The following ADCY10 variants were observed in gnomAD, a reference collection of about 807,000 sequenced individuals.
ADCY10 encodes adenylate cyclase type 10.
ADCY10 carries 156 observed loss-of-function variants against 183.3 expected under a neutral mutation model. The observed-to-expected ratio is 0.85, with a 90% CI of 0.75 to 0.97. The LOEUF (loss-of-function observed/expected upper bound fraction) is 0.97, where lower values mean the gene tolerates loss of function less well. Ranked by LOEUF, ADCY10 falls within the 50% of genes least tolerant of loss-of-function variation. The pLI is 0.00. For missense variants in ADCY10, 1,745 were observed against 1,934.3 expected, an observed-to-expected ratio of 0.90 and a Z score of 1.84; for synonymous variants, 645 against 670.0, an observed-to-expected ratio of 0.96 and a Z score of 0.58.
chr1:167,911,865 C>T (rs749658368), intron 1 of ADCY10, among the ~76,000 whole-genome samples: 22 of 152,090 alleles, frequency 1.4e-4, no homozygotes, highest in Admixed American at 6.5e-5. Flanking sequence ...TGAACTTGGA[C>T]AGATTTTTCT....
intron 8 of ADCY10, among the ~76,000 whole-genome samples, chr1:167,891,226 C>T (rs1668566728): frequency 6.6e-6 from 1 of 151,982 alleles, no homozygotes. Flanking sequence ...TCCCAAAGTG[C>T]TGGGATTACA....
intron 21 of ADCY10, among the ~76,000 whole-genome samples, chr1:167,844,383 G>A (rs906075620): frequency 2.6e-5 from 4 of 152,156 alleles, no homozygotes; most frequent in South Asian, 2.1e-4. Context: ...CAACATGCTC[G>A]TCCCACTGTG....
Position 167,824,618 on chromosome 1 carries a change from C to A in ADCY10, c.3955+33G>T, listed in dbSNP as rs773956243. On this transcript the variant is annotated intron_variant, in intron 27 of 32. Coordinates refer to ENST00000367851, the MANE Select transcript of ADCY10 (RefSeq NM_018417.6). ...GTATATTGTGGGGCATTCCTTGTAT[C>A]CTCATGTCCCATCTTGCCCAGCCAG... The A allele has an allele frequency of 1.3e-5, 21 of 1,613,668 alleles. No homozygotes were observed. The South Asian group carries it at 2.0e-4, about 15-fold the overall frequency.
intron 13 of ADCY10, among the ~76,000 whole-genome samples, chr1:167,874,387 C>T (rs1462012422): frequency 6.6e-6 from 1 of 151,912 alleles, no homozygotes; most frequent in Non-Finnish European, 1.5e-5. Flanking sequence ...GAAGAAGGAG[C>T]TCAACCACAT....
chr1:167,859,925 G>A lies in ADCY10; in HGVS notation c.1810-32C>T, dbSNP rs763637040. On this transcript the variant is annotated intron_variant, in intron 15 of 32. Coordinates refer to ENST00000367851, the MANE Select transcript of ADCY10 (RefSeq NM_018417.6). ...AAAGAATTATGAGAATATTGAGTAT[G>A]GGAAAATAGCAAAGGGAACTACTGG... 4 of 1,512,560 alleles carry A rather than the reference G, an allele frequency of 2.6e-6. No individual in the cohort carries two copies. The Admixed American group carries it at 6.7e-5, about 25-fold the overall frequency. The allele number at this position is 1,512,560 out of a possible 1,614,324, so 93.7% of individuals were successfully genotyped here.
chr1:167,827,432 C>A lies in ADCY10; in HGVS notation c.3750+1835G>T, dbSNP rs150811711. The stretch of plus-strand genomic sequence containing the variant: ...CCGCCCACCTCGGCCTCCCAAAGTG[C>A]TAGGATTACAGGCATAAGCCACCAT... On this transcript the variant is annotated intron_variant, in intron 26 of 32. Transcript: ENST00000367851. 7.0e-3 allele frequency among the ~76,000 whole-genome samples: 1,062 copies of A among 151,026 alleles called. 3 individuals carry two copies. The highest frequency in any genetic ancestry group is 0.034 in the Middle Eastern group (10 of 292).
chr1:167,885,115 A>G (rs1274651504), intron 8 of ADCY10, among the ~76,000 whole-genome samples: 1 of 138,458 alleles, frequency 7.2e-6, no homozygotes, highest in African/African-American at 2.7e-5. Context: ...TGCAAATGAC[A>G]GATCTCATTT....
intron 26 of ADCY10, among the ~76,000 whole-genome samples, chr1:167,828,521 G>A (rs1463305532): frequency 1.3e-5 from 2 of 152,170 alleles, no homozygotes; most frequent in African/African-American, 4.8e-5. Context: ...TGAGAATCTA[G>A]TTGTCTTCTA....
At chr1:167,810,205 G>A (rs138623280) in intron 32 of ADCY10, among the ~76,000 whole-genome samples, 4 of 152,270 alleles carry the variant, frequency 2.6e-5, no homozygotes, top group African/African-American at 4.8e-5. Flanking sequence ...AGGGGGATTT[G>A]GATGAGGGAG....
chr1:167,845,433 T>C, intron 21 of ADCY10, 130 bp downstream of exon 21: 2 of 922,634 alleles, frequency 2.2e-6, no homozygotes, highest in Non-Finnish European at 3.4e-6. Flanking sequence ...GCTGCTGAAG[T>C]CTCATCATTC....
At position 167,833,043 on chromosome 1, in the gene ADCY10, C is replaced by T. The variant is rs1663877258; in HGVS notation, c.3537G>A (p.Glu1179=). The T allele has an allele frequency of 6.2e-7, 1 of 1,614,030 alleles. No homozygotes were observed. Among genetic ancestry groups the T allele is most frequent in the South Asian group, 1.1e-5 (1 of 91,086 alleles). The change falls in exon 25 of 33, where the codon GAG becomes GAA. Residue 1179 remains glutamate, a synonymous_variant. Transcript: ENST00000367851. ...LISLFLHIHV[E]KNRHFHYVNR... The stretch of plus-strand genomic sequence containing the variant: ...TCACATAATGAAAGTGTCTGTTTTT[C>T]TCGACATGGATATGGAGAAACAAGG...
intron 9 of ADCY10, among the ~76,000 whole-genome samples, chr1:167,882,133 C>T (rs970954786): frequency 6.6e-6 from 1 of 152,220 alleles, no homozygotes; most frequent in Non-Finnish European, 1.5e-5. Flanking sequence ...GAAATCAATT[C>T]TCACATATGC....
chr1:167,895,633 TGAATTCAGGACAAAAATCTGTCCTA>T (rs1417069127), intron 7 of ADCY10, among the ~76,000 whole-genome samples: 10 of 152,210 alleles, frequency 6.6e-5, no homozygotes, highest in African/African-American at 2.4e-4. Context: ...TTGTTTTTTA[TGAATTCAGGACAAAAATCTGTCCTA>T]GAATTCAGGA....
At chr1:167,876,926 C>T (rs1667508003) in intron 12 of ADCY10, among the ~76,000 whole-genome samples, 2 of 152,178 alleles carry the variant, frequency 1.3e-5, no homozygotes, top group African/African-American at 4.8e-5. Context: ...AGATGAGACA[C>T]ATAGAGCCAG....
Position 167,848,459 on chromosome 1 carries a change from T to C in ADCY10, c.2339A>G (p.Asn780Ser), listed in dbSNP as rs1319017423. The change falls in exon 19 of 33, where the codon AAC (asparagine) becomes AGC (serine). Residue 780 changes from asparagine (N) to serine (S), a missense_variant. By Grantham distance (46) the Asn-to-Ser change is conservative. Coordinates refer to ENST00000367851, the MANE Select transcript of ADCY10 (RefSeq NM_018417.6). ...CTTATCACTATGGAGAGTAACCATG[T>C]TTAACTTCTCTGTTAGCTTAATGGA... ...KYSIKLTEKL[N>S]MVTLHSDKES... 1.9e-6 allele frequency: 3 copies of C among 1,613,690 alleles called. No homozygotes were observed. Among genetic ancestry groups the C allele is most frequent in the East Asian group, 2.2e-5 (1 of 44,874 alleles).
intron 21 of ADCY10, among the ~76,000 whole-genome samples, chr1:167,840,980 G>A (rs12023845): frequency 3.4e-5 from 5 of 145,114 alleles, no homozygotes; most frequent in South Asian, 2.1e-4. Context: ...TTGTTCTGTC[G>A]CTCAGGCTGG....
Position 167,854,355 on chromosome 1 carries a change from A to T in ADCY10, c.2306T>A (p.Phe769Tyr). The change falls in exon 18 of 33, where the codon TTC (phenylalanine) becomes TAC (tyrosine). Residue 769 changes from phenylalanine (F) to tyrosine (Y), a missense_variant and splice_region_variant. Coordinates refer to ENST00000367851, the MANE Select transcript of ADCY10 (RefSeq NM_018417.6). ...EKTNRTWNNL[F>Y]KYSIKLTEKL... ...AGAACCATCACCGCAGGACTTACTG[A>T]ACAGGTTATTCCAGGTCCTATTTGT... is the stretch of plus-strand genomic sequence containing the variant. The T allele has an allele frequency of 6.2e-7, 1 of 1,614,154 alleles. No homozygotes were observed. The highest frequency in any genetic ancestry group is 8.5e-7 in the Non-Finnish European group (1 of 1,180,004).
At chr1:167,834,159 G>A in intron 23 of ADCY10, 82 bp from the exon 24 acceptor site, 1 of 1,022,490 alleles carries the variant, frequency 9.8e-7, no homozygotes, top group Non-Finnish European at 1.5e-6. Context: ...AGACTCTACT[G>A]AAGTAAGAGA....
Position 167,875,202 on chromosome 1 carries a change from A to G in ADCY10, c.1407-16T>C. ...ACCAAACATGCTGAAGAGAAGAACA[A>G]AAGAACAGATGCTAGATTCAAAACA... On this transcript the variant is annotated splice_polypyrimidine_tract_variant and intron_variant, in intron 12 of 32. Transcript: ENST00000367851. The G allele has an allele frequency of 1.2e-6, 2 of 1,613,390 alleles. No individual in the cohort carries two copies. The highest frequency in any genetic ancestry group is 2.2e-5 in the East Asian group (1 of 44,868).
Sources: gnomAD v4.1 joint callset for allele counts (sites outside exome capture counted in the v4.1 genomes callset) on GRCh38, gnomAD v4.1.1 for gene constraint, MANE v1.5 for transcripts, NCBI Gene and HGNC (gene_info 2026-07-23, HGNC 2026-07-21) for gene names.